COL4A2: variants seen among roughly 807,000 people sequenced by gnomAD.
COL4A2 encodes collagen alpha-2(IV) chain.
A neutral mutation model predicts 200.2 loss-of-function variants in COL4A2; 99 were observed. The observed-to-expected ratio is 0.49, with a 90% CI of 0.42 to 0.58. COL4A2 has a LOEUF of 0.58. Among genes scored for constraint, COL4A2 ranks in the 20% least tolerant of loss-of-function variants. The pLI is 0.00. For synonymous variants in COL4A2, 897 were observed against 900.6 expected (o/e 1.00, Z 0.07); for missense variants, 1,950 against 2,314.1 (o/e 0.84, Z 3.23).
rs905265377 is a variant in COL4A2 at position 110,495,263 on chromosome 13, C to T, written c.3635-79C>T. 18 of 1,571,680 alleles carry T rather than the reference C, an allele frequency of 1.1e-5. No individual in the cohort carries two copies. In the African/African-American group the frequency reaches 2.4e-4, roughly 21 times the overall value. On this transcript the variant is annotated intron_variant, in intron 39 of 47. Transcript: ENST00000360467. ...CTGTTTCTTTGCTTTTGAGGCACCC[C>T]AAGCTGTTCTTTCACTTAGGAAAGT...
intron 16 of COL4A2, among the ~76,000 whole-genome samples, chr13:110,442,824 T>C (rs34576234): frequency 0.052 from 7,893 of 152,116 alleles, 236 homozygotes; most frequent in South Asian, 0.084. Flanking sequence ...AATTTTGAAA[T>C]AACTCCACAG....
In COL4A2 at chr13:110,445,400, C is replaced by T. The variant is rs139362771; in HGVS notation, c.958-429C>T. Among the ~76,000 whole-genome samples, 1,363 of 152,274 alleles carry T rather than the reference C, an allele frequency of 9.0e-3. 18 individuals are homozygous for T. Among genetic ancestry groups the T allele is most frequent in the African/African-American group, 0.028 (1,172 of 41,540 alleles). On this transcript the variant is annotated intron_variant, in intron 16 of 47. Coordinates refer to ENST00000360467, the MANE Select transcript of COL4A2 (RefSeq NM_001846.4). ...AAGGGGAACCTGCACCTAGGGCAGC[C>T]TCCAGCCCTAATGACTCACGTGGAG...
intron 4 of COL4A2, among the ~76,000 whole-genome samples, chr13:110,408,417 T>C (rs4773177): frequency 0.75 from 114,597 of 152,184 alleles, 43,468 homozygotes; most frequent in East Asian, 0.93. Flanking sequence ...CCATGCTTCC[T>C]GAAAAGAGAA....
At chr13:110,340,058 T>C (rs1194573793) in intron 3 of COL4A2, among the ~76,000 whole-genome samples, 1 of 152,242 alleles carries the variant, frequency 6.6e-6, no homozygotes, top group African/African-American at 2.4e-5. Context: ...ATGGGCCTCC[T>C]GGTTCACAGA....
chr13:110,332,647 T>C (rs1027848711), intron 3 of COL4A2, among the ~76,000 whole-genome samples: 2 of 152,174 alleles, frequency 1.3e-5, no homozygotes, highest in Non-Finnish European at 2.9e-5. Flanking sequence ...CCCACGGAAA[T>C]ATGAATTCAT....
chr13:110,436,134 C>G, intron 12 of COL4A2, 135 bp from the exon 13 acceptor site: 1 of 1,283,066 alleles, frequency 7.8e-7, no homozygotes, highest in East Asian at 2.3e-5. Context: ...GGTTATTATA[C>G]TGTAAATAGG....
intron 4 of COL4A2, among the ~76,000 whole-genome samples, chr13:110,423,040 T>TC (rs11366855): frequency 2.0e-5 from 3 of 151,974 alleles, no homozygotes; most frequent in Admixed American, 6.6e-5. Context: ...TGGCTCAAGT[T>TC]CCCCCCTCAA....
chr13:110,438,810 C>CCCCCCCA (rs372770020), intron 15 of COL4A2, 142 bp downstream of exon 15: 37 of 617,310 alleles, frequency 6.0e-5, no homozygotes, highest in African/African-American at 1.3e-4. Flanking sequence ...CCACCCCCCC[C>CCCCCCCA]CACACACACA....
intron 4 of COL4A2, among the ~76,000 whole-genome samples, chr13:110,392,754 C>T (rs1879035679): frequency 6.6e-6 from 1 of 152,192 alleles, no homozygotes. Flanking sequence ...CTCTGGAAAC[C>T]ATCTGGTCTG....
At chr13:110,382,742 T>C (rs1461974927) in intron 4 of COL4A2, among the ~76,000 whole-genome samples, 3 of 152,250 alleles carry the variant, frequency 2.0e-5, no homozygotes, top group African/African-American at 7.2e-5. Context: ...TAAGGAACGC[T>C]AGCTATCTAT....
intron 3 of COL4A2, among the ~76,000 whole-genome samples, chr13:110,337,111 C>T (rs909907322): frequency 2.0e-5 from 3 of 152,208 alleles, no homozygotes; most frequent in East Asian, 1.9e-4. Flanking sequence ...GTTTTGTACA[C>T]GTAGGACGTA....
chr13:110,408,786 C>T (rs1000395552), intron 4 of COL4A2, among the ~76,000 whole-genome samples: 1 of 140,478 alleles, frequency 7.1e-6, no homozygotes, highest in Non-Finnish European at 1.5e-5. Flanking sequence ...ACATGACACG[C>T]GTACACACAC....
At chr13:110,459,457 G>A (rs1175121997) in intron 22 of COL4A2, 1 of 152,136 alleles carries the variant, frequency 6.6e-6, no homozygotes, top group African/African-American at 2.4e-5. Context: ...CATGGGGATT[G>A]AGACCCACAC....
intron 4 of COL4A2, among the ~76,000 whole-genome samples, chr13:110,382,650 T>C (rs1878536984): frequency 6.6e-6 from 1 of 152,246 alleles, no homozygotes; most frequent in Non-Finnish European, 1.5e-5. Flanking sequence ...TTAAATTGTT[T>C]CCTTAAATTG....
chr13:110,431,856 G>C (rs1880691630), intron 10 of COL4A2, among the ~76,000 whole-genome samples: 1 of 152,202 alleles, frequency 6.6e-6, no homozygotes, highest in Admixed American at 6.5e-5. Flanking sequence ...TCTGCAGAAA[G>C]ACACACCATG....
At chr13:110,316,417 G>A (rs1030778410) in intron 3 of COL4A2, among the ~76,000 whole-genome samples, 2 of 152,068 alleles carry the variant, frequency 1.3e-5, no homozygotes, top group African/African-American at 2.4e-5. Flanking sequence ...AAACTGTGTC[G>A]GGAAGGAGCA....
chr13:110,454,168 A>C (rs1270161828), intron 20 of COL4A2, among the ~76,000 whole-genome samples: 1 of 152,210 alleles, frequency 6.6e-6, no homozygotes, highest in African/African-American at 2.4e-5. Context: ...AAAAAGTCAA[A>C]ATAGGCCTGG....
At chr13:110,420,836 G>A (rs569400937) in intron 4 of COL4A2, among the ~76,000 whole-genome samples, 7 of 152,230 alleles carry the variant, frequency 4.6e-5, no homozygotes, top group East Asian at 1.9e-4. Flanking sequence ...TGGCCTCCTC[G>A]GGCCATGCTG....
intron 3 of COL4A2, among the ~76,000 whole-genome samples, chr13:110,338,789 G>A (rs1303777512): frequency 2.0e-5 from 3 of 152,214 alleles, no homozygotes; most frequent in Admixed American, 6.5e-5. Flanking sequence ...GCTCTTCGCC[G>A]CCCTCCCAGG....
Sources: gnomAD v4.1 joint callset for allele counts (sites outside exome capture counted in the v4.1 genomes callset) on GRCh38, gnomAD v4.1.1 for gene constraint, MANE v1.5 for transcripts, NCBI Gene and HGNC (gene_info 2026-07-23, HGNC 2026-07-21) for gene names.